The following CACNB2 variants were observed in gnomAD, a reference collection of about 807,000 sequenced individuals.
The protein encoded by CACNB2 is calcium voltage-gated channel auxiliary subunit beta 2.
In CACNB2, 42 loss-of-function variants were observed where a neutral mutation model predicts 73.3. The ratio of observed to expected loss-of-function variants is 0.57; its 90% CI spans 0.45 to 0.74. The LOEUF is 0.74. CACNB2 is among the 30% of genes least tolerant of loss of function. The pLI, the probability that CACNB2 is intolerant of heterozygous loss-of-function variation, is 0.00. For missense variants in CACNB2, 940 were observed against 853.0 expected (o/e 1.10, Z -1.27); for synonymous variants, 348 against 310.3 (o/e 1.12, Z -1.28).
At chr10:18,278,931 C>T (rs187501513) in intron 2 of CACNB2, among the ~76,000 whole-genome samples, 197 of 152,064 alleles carry the variant, frequency 1.3e-3, no homozygotes, top group African/African-American at 4.5e-3. Context: ...GTGGGAGGAT[C>T]GCTTGAACCC....
chr10:18,162,763 A>G (rs1408824158), intron 2 of CACNB2, among the ~76,000 whole-genome samples: 1 of 152,172 alleles, frequency 6.6e-6, no homozygotes, highest in Admixed American at 6.5e-5. Flanking sequence ...GCCATTCGTG[A>G]ACCTGGAGGA....
intron 3 of CACNB2, among the ~76,000 whole-genome samples, chr10:18,455,039 T>TA (rs56167015): frequency 0.3 from 41,676 of 137,616 alleles, 6,466 homozygotes; most frequent in South Asian, 0.37. Flanking sequence ...CCCAATCTCT[T>TA]AAAAAAAAAA....
At chr10:18,402,726 C>T (rs2044071928) in intron 3 of CACNB2, among the ~76,000 whole-genome samples, 1 of 152,112 alleles carries the variant, frequency 6.6e-6, no homozygotes, top group Admixed American at 6.6e-5. Context: ...CCCATGCTGT[C>T]CTTGGAATAG....
At chr10:18,305,978 A>T (rs545008543) in intron 2 of CACNB2, among the ~76,000 whole-genome samples, 4 of 152,258 alleles carry the variant, frequency 2.6e-5, no homozygotes, top group Admixed American at 2.6e-4. Context: ...TAAAAAAAGG[A>T]AAAGTAAAGT....
chr10:18,378,246 C>T (rs2042881104), intron 2 of CACNB2, among the ~76,000 whole-genome samples: 1 of 152,144 alleles, frequency 6.6e-6, no homozygotes, highest in African/African-American at 2.4e-5. Flanking sequence ...CAACCAATGA[C>T]AGTGTATTTG....
At chr10:18,452,658 C>T (rs1037588668) in intron 3 of CACNB2, among the ~76,000 whole-genome samples, 2 of 152,206 alleles carry the variant, frequency 1.3e-5, no homozygotes, top group African/African-American at 2.4e-5. Flanking sequence ...CATCCTCCCA[C>T]CTTGGCCTCC....
chr10:18,254,075 A>G (rs186649355), intron 2 of CACNB2, among the ~76,000 whole-genome samples: 29 of 152,356 alleles, frequency 1.9e-4, no homozygotes, highest in Non-Finnish European at 3.5e-4. Flanking sequence ...GCTAGAAAGC[A>G]TAGGTCCTCA....
chr10:18,240,473 G>A (rs750716824), intron 2 of CACNB2, among the ~76,000 whole-genome samples: 3 of 152,188 alleles, frequency 2.0e-5, no homozygotes, highest in African/African-American at 7.2e-5. Flanking sequence ...AAAGTGGAAC[G>A]TGTAACCAGG....
chr10:18,293,421 A>C (rs1448029297), intron 2 of CACNB2, among the ~76,000 whole-genome samples: 1 of 152,220 alleles, frequency 6.6e-6, no homozygotes, highest in Non-Finnish European at 1.5e-5. Context: ...CATTAAAGAA[A>C]AGAGTCGTTT....
At chr10:18,274,192 G>T (rs985158718) in intron 2 of CACNB2, among the ~76,000 whole-genome samples, 2 of 150,752 alleles carry the variant, frequency 1.3e-5, no homozygotes, top group African/African-American at 4.9e-5. Flanking sequence ...AAATCAACCC[G>T]ACTACTTATT....
At position 18,358,105 on chromosome 10, in the gene CACNB2, G is replaced by A. The variant is rs116350600; in HGVS notation, c.214-43819G>A. On this transcript the variant is annotated intron_variant, in intron 2 of 13. Coordinates refer to ENST00000324631, the MANE Select transcript of CACNB2 (RefSeq NM_201596.3). ...ATCCATTCAATTGATTGATTAACTG[G>A]AGACAGAGTCTCACTCTGTCACCCA... Among the ~76,000 whole-genome samples, 1,346 of 152,228 alleles carry A rather than the reference G, an allele frequency of 8.8e-3. 31 individuals are homozygous for A. The highest frequency in any genetic ancestry group is 0.028 in the African/African-American group (1,163 of 41,540).
At chr10:18,376,347 G>A (rs2132329541) in intron 2 of CACNB2, among the ~76,000 whole-genome samples, 1 of 152,242 alleles carries the variant, frequency 6.6e-6, no homozygotes, top group South Asian at 2.1e-4. Flanking sequence ...ACCAGAGACT[G>A]GGAAAGGTTG....
At chr10:18,170,691 T>G (rs906642764) in intron 2 of CACNB2, among the ~76,000 whole-genome samples, 2 of 152,220 alleles carry the variant, frequency 1.3e-5, no homozygotes, top group Non-Finnish European at 2.9e-5. Context: ...CTAAATCAAA[T>G]TTTTATAGTC....
At chr10:18,332,914 G>C (rs965531087) in intron 2 of CACNB2, among the ~76,000 whole-genome samples, 3 of 152,080 alleles carry the variant, frequency 2.0e-5, no homozygotes, top group Non-Finnish European at 4.4e-5. Flanking sequence ...TTAAATGCAG[G>C]TTACAAGTAC....
intron 2 of CACNB2, among the ~76,000 whole-genome samples, chr10:18,225,763 C>T (rs376476851): frequency 9.9e-5 from 15 of 152,000 alleles, no homozygotes; most frequent in Admixed American, 5.9e-4. Flanking sequence ...CCTCAGTCAC[C>T]CTAGTAGCTG....
At chr10:18,288,148 A>G (rs1311443779) in intron 2 of CACNB2, among the ~76,000 whole-genome samples, 1 of 152,228 alleles carries the variant, frequency 6.6e-6, no homozygotes, top group African/African-American at 2.4e-5. Flanking sequence ...ACCTCTGTAA[A>G]GACCTTAATT....
chr10:18,370,810 G>A (rs961149444), intron 2 of CACNB2, among the ~76,000 whole-genome samples: 4 of 152,196 alleles, frequency 2.6e-5, no homozygotes, highest in African/African-American at 7.2e-5. Context: ...TGGGCATTTA[G>A]GTTGTTTTAC....
intron 9 of CACNB2, among the ~76,000 whole-genome samples, chr10:18,524,654 T>TAA (rs35663592): frequency 0.05 from 5,792 of 116,798 alleles, 197 homozygotes; most frequent in Non-Finnish European, 0.077. Context: ...GACTCTATCT[T>TAA]AAAAAAAAAA....
intron 5 of CACNB2, among the ~76,000 whole-genome samples, chr10:18,505,326 A>G (rs988328394): frequency 9.9e-5 from 15 of 151,982 alleles, no homozygotes; most frequent in African/African-American, 3.6e-4. Flanking sequence ...AACTGCTTCT[A>G]TAGATATCAC....
Sources: allele counts gnomAD v4.1 joint callset (sites outside exome capture counted in the v4.1 genomes callset), GRCh38; gene constraint gnomAD v4.1.1; transcripts MANE v1.5; gene names NCBI Gene and HGNC (gene_info 2026-07-23, HGNC 2026-07-21).